Variants in TRAPPC9 observed in about 807,000 individuals in gnomAD.
TRAPPC9 encodes the protein IKK2 binding protein.
TRAPPC9 carries 83 observed loss-of-function variants against 124.0 expected under a neutral mutation model. The observed-to-expected ratio is 0.67, with a 90% CI of 0.56 to 0.80. The LOEUF is 0.80. TRAPPC9 is among the 30% of genes least tolerant of loss of function. The probability of loss-of-function intolerance (pLI) is 0.00; values close to 1 mark genes in which losing one functional copy is unlikely to be tolerated. For synonymous variants in TRAPPC9, 638 were observed against 617.5 expected, an observed-to-expected ratio of 1.03 and a Z score of -0.49; for missense variants, 1,302 against 1,508.3, an observed-to-expected ratio of 0.86 and a Z score of 2.27.
At chr8:140,039,380 G>A (rs1278478335) in intron 17 of TRAPPC9, among the ~76,000 whole-genome samples, 2 of 152,170 alleles carry the variant, frequency 1.3e-5, no homozygotes, top group African/African-American at 2.4e-5. Context: ...TTACGTTTGG[G>A]AGCTGTAAAT....
At chr8:140,329,221 C>T (rs568698911) in intron 9 of TRAPPC9, among the ~76,000 whole-genome samples, 3 of 151,998 alleles carry the variant, frequency 2.0e-5, no homozygotes, top group Admixed American at 1.3e-4. Flanking sequence ...GCTAGAGGTT[C>T]GAGATGAGAC....
chr8:140,458,316 C>T (rs866061119), upstream of TRAPPC9: 1 of 1,570,418 alleles, frequency 6.4e-7, no homozygotes, highest in African/African-American at 1.3e-5. Flanking sequence ...ATTTCACTTC[C>T]TCTGTGAAGC....
At chr8:140,267,287 C>G (rs1280889857) in intron 15 of TRAPPC9, among the ~76,000 whole-genome samples, 1 of 152,218 alleles carries the variant, frequency 6.6e-6, no homozygotes. Context: ...CTCCTGCAGG[C>G]ACCAGGCACC....
intron 7 of TRAPPC9, among the ~76,000 whole-genome samples, chr8:140,387,963 C>T (rs1325846934): frequency 3.3e-5 from 5 of 151,886 alleles, no homozygotes; most frequent in African/African-American, 1.2e-4. Flanking sequence ...AGCAGAGACT[C>T]GGAACCAACC....
At chr8:140,011,413 T>C (rs899034022) in intron 18 of TRAPPC9, among the ~76,000 whole-genome samples, 10 of 151,516 alleles carry the variant, frequency 6.6e-5, no homozygotes, top group Admixed American at 6.6e-5. Context: ...TTGGAAAAAT[T>C]TGTGTCAAAT....
chr8:139,910,322 A>C, intron 19 of TRAPPC9, 22 bp from the exon 20 acceptor site: 3 of 1,614,166 alleles, frequency 1.9e-6, no homozygotes, highest in Non-Finnish European at 2.5e-6. Context: ...GGGAAAACAC[A>C]GCAGAGAATT....
intron 21 of TRAPPC9, among the ~76,000 whole-genome samples, chr8:139,865,273 G>A (rs191454980): frequency 5.3e-5 from 8 of 152,318 alleles, no homozygotes; most frequent in Non-Finnish European, 1.2e-4. Context: ...CATGCGTTCT[G>A]GTCTGGCAGA....
At chr8:140,039,990 T>A (rs988524257) in intron 17 of TRAPPC9, 1 of 152,188 alleles carries the variant, frequency 6.6e-6, no homozygotes, top group Non-Finnish European at 1.5e-5. Context: ...CATATCCCTC[T>A]CCCAGGAGCA....
intron 9 of TRAPPC9, among the ~76,000 whole-genome samples, chr8:140,354,955 C>G (rs1220328690): frequency 6.6e-6 from 1 of 152,166 alleles, no homozygotes; most frequent in Non-Finnish European, 1.5e-5. Flanking sequence ...CTCCAATTAA[C>G]CAAATATCAT....
At chr8:140,387,540 C>T (rs2068787013) in intron 7 of TRAPPC9, among the ~76,000 whole-genome samples, 1 of 152,136 alleles carries the variant, frequency 6.6e-6, no homozygotes. Flanking sequence ...AAAAAACAAA[C>T]AACCCCATCA....
chr8:140,262,726 T>G (rs1169956844), intron 15 of TRAPPC9: 1 of 152,214 alleles, frequency 6.6e-6, no homozygotes, highest in Non-Finnish European at 1.5e-5. Flanking sequence ...GGTTCATGCA[T>G]TATTCATGTG....
rs1342876865 is a variant in TRAPPC9 at position 139,732,157 on chromosome 8, G to C, written c.3101C>G (p.Ala1034Gly). 6.2e-7 allele frequency: 1 copy of C among 1,602,350 alleles called. No individual in the cohort carries two copies. The highest frequency in any genetic ancestry group is 1.7e-5 in the Admixed American group (1 of 59,432). ...GCGCACGGGGTCGCCCACCTGGCAG[G>C]CCGCCACAGCCTCGCGGTCACATGG... ...GQPCDREAVA[A>G]CQVGDPVRLE... The change falls in exon 22 of 23, where the codon GCC becomes GGC. Residue 1034 changes from alanine (A) to glycine (G), a missense_variant. Physicochemically the swap from Ala to Gly is moderately conservative, Grantham distance 60 (BLOSUM62 0). This residue lies in a region of TRAPPC9 where 640 missense variants were observed against 679.3 expected (regional missense o/e 0.94). Transcript: ENST00000438773.
intron 5 of TRAPPC9, among the ~76,000 whole-genome samples, chr8:140,409,910 G>C (rs528566720): frequency 6.6e-6 from 1 of 152,094 alleles, no homozygotes; most frequent in African/African-American, 2.4e-5. Context: ...GCCAAGGAAG[G>C]CTCCTGGGTT....
At chr8:140,145,097 A>G (rs978338889) in intron 17 of TRAPPC9, among the ~76,000 whole-genome samples, 2 of 151,694 alleles carry the variant, frequency 1.3e-5, no homozygotes, top group Non-Finnish European at 2.9e-5. Flanking sequence ...GCTGGTCTCA[A>G]ACTCCTGACC....
chr8:140,327,728 T>C (rs1045323913), intron 9 of TRAPPC9, among the ~76,000 whole-genome samples: 1 of 152,194 alleles, frequency 6.6e-6, no homozygotes, highest in African/African-American at 2.4e-5. Flanking sequence ...AGAGGAAAAG[T>C]AGAATGATGG....
At chr8:139,787,836 AT>A (rs1822378744) in intron 21 of TRAPPC9, among the ~76,000 whole-genome samples, 1 of 152,056 alleles carries the variant, frequency 6.6e-6, no homozygotes, top group Non-Finnish European at 1.5e-5. Context: ...GCTTTGAGCA[AT>A]TTTGATTTCA....
chr8:140,299,875 G>A (rs1376868128), intron 11 of TRAPPC9, among the ~76,000 whole-genome samples: 1 of 152,178 alleles, frequency 6.6e-6, no homozygotes, highest in Non-Finnish European at 1.5e-5. Flanking sequence ...CTGATCACCT[G>A]TGTTCACAAA....
chr8:139,913,111 T>C (rs1831859181), intron 19 of TRAPPC9, among the ~76,000 whole-genome samples: 2 of 152,242 alleles, frequency 1.3e-5, no homozygotes, highest in South Asian at 4.1e-4. Context: ...CCACTGGAAC[T>C]ACAACGGTGT....
intron 21 of TRAPPC9, among the ~76,000 whole-genome samples, chr8:139,885,592 G>A (rs1829952898): frequency 6.6e-6 from 1 of 152,218 alleles, no homozygotes; most frequent in African/African-American, 2.4e-5. Flanking sequence ...TCAAGATGTA[G>A]GCCAAGATCC....
Sources: allele counts gnomAD v4.1 joint callset (sites outside exome capture counted in the v4.1 genomes callset), GRCh38; gene constraint gnomAD v4.1.1; regional missense constraint gnomAD v4.1.1; transcripts MANE v1.5; gene names NCBI Gene and HGNC (gene_info 2026-07-23, HGNC 2026-07-21).